The following C17orf75 variants were observed in gnomAD, a reference collection of about 807,000 sequenced individuals.
C17orf75 encodes the protein chromosome 17 open reading frame 75, also known as protein Njmu-R1.
In C17orf75, 32 loss-of-function variants were observed where a neutral mutation model predicts 49.6. The observed-to-expected ratio is 0.65, with a 90% CI of 0.49 to 0.87. The LOEUF (loss-of-function observed/expected upper bound fraction) is 0.87. C17orf75 is among the 40% of genes least tolerant of loss of function. C17orf75 has a pLI of 0.00. For missense variants in C17orf75, 428 were observed against 473.9 expected (o/e 0.90, Z 0.90); for synonymous variants, 158 against 159.5 (o/e 0.99, Z 0.07).
At position 32,334,609 on chromosome 17, in the gene C17orf75, C is replaced by T; in HGVS notation, c.735-4G>A. ...AAGACTGGCCACACTCAGAAACCTGCCACACACACAAGTCCATTTCCACAA... is the reference window on the plus strand; with the variant it reads ...AAGACTGGCCACACTCAGAAACCTGTCACACACACAAGTCCATTTCCACAA... On this transcript the variant is annotated splice_region_variant and splice_polypyrimidine_tract_variant and intron_variant, in intron 7 of 9. Coordinates refer to ENST00000577809, the MANE Select transcript of C17orf75 (RefSeq NM_022344.4). 1 of 1,610,860 alleles carries T rather than the reference C, an allele frequency of 6.2e-7. No homozygotes were observed. Among genetic ancestry groups the T allele is most frequent in the Non-Finnish European group, 8.5e-7 (1 of 1,179,128 alleles).
intron 2 of C17orf75, among the ~76,000 whole-genome samples, chr17:32,340,403 G>T (rs2041366694): frequency 6.6e-6 from 1 of 152,040 alleles, no homozygotes; most frequent in African/African-American, 2.4e-5. Context: ...CACTTTGGGA[G>T]GCCGAGGCAG....
intron 1 of C17orf75, among the ~76,000 whole-genome samples, chr17:32,348,269 C>T (rs568576198): frequency 4.6e-5 from 7 of 152,032 alleles, no homozygotes; most frequent in Admixed American, 3.3e-4. Context: ...GTGATCCACC[C>T]GCCTCAGCCT....
intron 2 of C17orf75, among the ~76,000 whole-genome samples, chr17:32,340,502 G>A (rs1047638833): frequency 2.6e-5 from 4 of 151,908 alleles, no homozygotes; most frequent in Non-Finnish European, 4.4e-5. Flanking sequence ...AAAATTAGCC[G>A]GGCGTGGTGG....
At position 32,331,760 on chromosome 17, in the gene C17orf75, T is replaced by C. The variant is rs771743905; in HGVS notation, c.*3A>G. The C allele has an allele frequency of 6.2e-7, 1 of 1,604,886 alleles. No homozygotes were observed. Among genetic ancestry groups the C allele is most frequent in the Non-Finnish European group, 8.5e-7 (1 of 1,171,744 alleles). On this transcript the variant is annotated 3_prime_UTR_variant, in exon 10 of 10. Coordinates refer to ENST00000577809, the MANE Select transcript of C17orf75 (RefSeq NM_022344.4). The stretch of plus-strand genomic sequence containing the variant: ...GATCATACAATTATCTCAAAACATA[T>C]GATCAAAAACTTTGGTCAAGAGCTT...
At chr17:32,348,626 C>A (rs1380830176) in intron 1 of C17orf75, among the ~76,000 whole-genome samples, 1 of 152,146 alleles carries the variant, frequency 6.6e-6, no homozygotes, top group Non-Finnish European at 1.5e-5. Flanking sequence ...AGTTTAACTG[C>A]CTTGCCCAAA....
At chr17:32,335,576 T>A in intron 5 of C17orf75, 134 bp from the exon 6 acceptor site, 1 of 1,105,962 alleles carries the variant, frequency 9.0e-7, no homozygotes, top group Non-Finnish European at 1.3e-6. Context: ...ACACCACCAA[T>A]TCAAAAAAAG....
chr17:32,336,304 C>G (rs2041325415), intron 5 of C17orf75, among the ~76,000 whole-genome samples: 1 of 152,170 alleles, frequency 6.6e-6, no homozygotes. Context: ...GCCTCAACTT[C>G]CCAGGCTCAA....
chr17:32,349,631 C>T (rs989300939), intron 1 of C17orf75, among the ~76,000 whole-genome samples: 2 of 152,084 alleles, frequency 1.3e-5, no homozygotes, highest in African/African-American at 4.8e-5. Flanking sequence ...GACAACCCAA[C>T]GACCACTACC....
In C17orf75 at chr17:32,334,888, T is replaced by C. The variant is rs1273440373; in HGVS notation, c.670-49A>G. The C allele has an allele frequency of 2.7e-6, 4 of 1,460,214 alleles. No individual in the cohort carries two copies. The African/African-American group carries it at 4.2e-5, about 15-fold the overall frequency. The allele number at this position is 1,460,214 out of a possible 1,614,324, so 90.5% of individuals were successfully genotyped here. On this transcript the variant is annotated intron_variant, in intron 6 of 9. Coordinates refer to ENST00000577809, the MANE Select transcript of C17orf75 (RefSeq NM_022344.4). The stretch of plus-strand genomic sequence containing the variant: ...ATTGGTACATATATTCCAGTTTTTC[T>C]TGAGCAGCTACTCATGACTAAATGT...
intron 1 of C17orf75, among the ~76,000 whole-genome samples, chr17:32,349,094 G>A (rs919643435): frequency 1.2e-4 from 18 of 151,640 alleles, no homozygotes; most frequent in African/African-American, 4.3e-4. Flanking sequence ...TCGAACTCCT[G>A]ACCTCAAGTG....
upstream of C17orf75, among the ~76,000 whole-genome samples, chr17:32,343,277 C>CGT (rs1297447650): frequency 2.6e-5 from 4 of 151,362 alleles, no homozygotes; most frequent in Admixed American, 2.0e-4. Flanking sequence ...TTTAAGCCAC[C>CGT]GTGTGTGTGT....
rs374288262 is a variant in C17orf75, at chr17:32,341,306, G to A, written c.141-22C>T. On this transcript the variant is annotated intron_variant, in intron 1 of 9. Coordinates refer to ENST00000577809, the MANE Select transcript of C17orf75 (RefSeq NM_022344.4). ...CAATCTACAAGCCACAAAACCAATA[G>A]TGCTATCAATTATGGGCTCTAAACC... The A allele has an allele frequency of 1.1e-3, 1,800 of 1,613,316 alleles. 3 individuals are homozygous for A. Among genetic ancestry groups the A allele is most frequent in the Non-Finnish European group, 1.3e-3 (1,579 of 1,179,428 alleles).
rs530568072 is a variant in C17orf75 at position 32,347,295 on chromosome 17, C to T, written c.-7+2647G>A. Reference sequence around the variant, plus strand: ...TTTCTTTTCTTTCTTTTTTTTCCCCCGAGATGGAGTTTCACTCTTATTGCA... The same window carrying T: ...TTTCTTTTCTTTCTTTTTTTTCCCCTGAGATGGAGTTTCACTCTTATTGCA... On this transcript the variant is annotated intron_variant, in intron 1 of 8. Transcript: ENST00000583774. 6.6e-5 allele frequency among the ~76,000 whole-genome samples: 10 copies of T among 151,438 alleles called. No individual in the cohort carries two copies. The South Asian group carries it at 1.7e-3, about 25-fold the overall frequency.
chr17:32,335,393 T>C lies in C17orf75; in HGVS notation c.599A>G (p.Glu200Gly). The stretch of plus-strand genomic sequence containing the variant: ...CCTTTGGATTGGGCATACAACATCC[T>C]CAAACCAGCTGCTCAGATAGGATTT... ...HIKSYLSSWF[E>G]DVVCPIQRVV... is the part of the protein sequence containing the mutation. The change falls in exon 6 of 10, where the codon GAG (glutamate) becomes GGG (glycine). Residue 200 changes from glutamate (E) to glycine (G), a missense_variant. Coordinates refer to ENST00000577809, the MANE Select transcript of C17orf75 (RefSeq NM_022344.4). 6.2e-7 allele frequency: 1 copy of C among 1,613,952 alleles called. No individual in the cohort carries two copies. The highest frequency in any genetic ancestry group is 1.7e-5 in the Admixed American group (1 of 60,010).
rs754048783 is a variant in C17orf75 at position 32,341,221 on chromosome 17, G to C, written c.204C>G (p.Pro68=). 6.2e-7 allele frequency: 1 copy of C among 1,613,956 alleles called. No individual in the cohort carries two copies. The highest frequency in any genetic ancestry group is 1.1e-5 in the South Asian group (1 of 91,084). The change falls in exon 2 of 10, where the codon CCC becomes CCG. Residue 68 remains proline, a synonymous_variant. Transcript: ENST00000577809. ...GSPSGTNAET[P]SGDDFSLSLA... ...CTTTTTACCTGAAATCATCACCAGA[G>C]GGAGTTTCTGCATTTGTGCCACTTG...
chr17:32,342,142 C>A lies in C17orf75; in HGVS notation c.-3G>T. The A allele has an allele frequency of 6.3e-7, 1 of 1,594,836 alleles. No individual in the cohort carries two copies. ...GACTCCTGCAAAGAGGGGAGCATTG[C>A]GGCGGCCTCTGAGCGGCCCTGTGTC... On this transcript the variant is annotated 5_prime_UTR_variant, in exon 1 of 10. Transcript: ENST00000577809.
At chr17:32,332,048 T>A (rs555785504) in intron 9 of C17orf75, 70 bp from the exon 10 acceptor site, 53 of 1,292,280 alleles carry the variant, frequency 4.1e-5, no homozygotes, top group Non-Finnish European at 5.5e-5. Context: ...ATAACTCCTA[T>A]CCAGCTGAGA....
chr17:32,334,123 T>G (rs2041302634), intron 8 of C17orf75, among the ~76,000 whole-genome samples: 1 of 152,248 alleles, frequency 6.6e-6, no homozygotes, highest in East Asian at 1.9e-4. Flanking sequence ...TCTGTTATAT[T>G]CCATTGCATG....
rs761593047 is a variant in C17orf75 at position 32,338,293 on chromosome 17, G to A, written c.406C>T (p.Pro136Ser). 6.8e-6 allele frequency: 11 copies of A among 1,612,230 alleles called. No homozygotes were observed. The Middle Eastern group carries it at 5.0e-4, about 73-fold the overall frequency. Residue 136 changes from proline to serine, a missense_variant, in exon 4 of 10, where the codon CCT becomes TCT. Physicochemically the swap from Pro to Ser is moderately conservative, Grantham distance 74 (BLOSUM62 -1). Transcript: ENST00000577809. The part of the protein sequence containing the change: ...YCLFQNEKLL[P>S]ETVTIDSERN... ...TCAGAGTCTATCGTTACTGTTTCAGGAAGCAGTTTTTCATTTTGGAAAAGG... is the reference window on the plus strand; with the variant it reads ...TCAGAGTCTATCGTTACTGTTTCAGAAAGCAGTTTTTCATTTTGGAAAAGG...
Sources: allele counts gnomAD v4.1 joint callset (sites outside exome capture counted in the v4.1 genomes callset), GRCh38; gene constraint gnomAD v4.1.1; transcripts MANE v1.5; gene names NCBI Gene and HGNC (gene_info 2026-07-23, HGNC 2026-07-21).